The following MYCBP2 variants were observed in gnomAD, a reference collection of about 807,000 sequenced individuals.
The protein encoded by MYCBP2 is E3 ubiquitin-protein ligase MYCBP2.
In MYCBP2, 120 loss-of-function variants were observed where a neutral mutation model predicts 525.3. The ratio of observed to expected loss-of-function variants is 0.23; its 90% CI spans 0.20 to 0.27. MYCBP2 has a LOEUF of 0.27. Ranked by LOEUF, MYCBP2 falls within the 10% of genes least tolerant of loss-of-function variation. The probability of loss-of-function intolerance (pLI) is 1.00; values close to 1 mark genes in which losing one functional copy is unlikely to be tolerated. For synonymous variants in MYCBP2, 1,894 were observed against 1,955.8 expected (o/e 0.97, Z 0.83); for missense variants, 4,149 against 5,657.1 (o/e 0.73, Z 8.55).
intron 15 of MYCBP2, among the ~76,000 whole-genome samples, chr13:77,250,599 T>C (rs985761796): frequency 6.6e-6 from 1 of 152,320 alleles, no homozygotes; most frequent in Non-Finnish European, 1.5e-5. Flanking sequence ...ACTTACATAT[T>C]AACTGTAAAT....
At chr13:77,269,290 G>A (rs896804671) in intron 7 of MYCBP2, among the ~76,000 whole-genome samples, 1 of 152,182 alleles carries the variant, frequency 6.6e-6, no homozygotes, top group African/African-American at 2.4e-5. Flanking sequence ...GAAAGAGTCT[G>A]TGGTAAGAAA....
At chr13:77,077,629 G>A (rs2042541185) in intron 66 of MYCBP2, 2 of 403,270 alleles carry the variant, frequency 5.0e-6, no homozygotes, top group Non-Finnish European at 4.4e-6. Flanking sequence ...TTCAGTAAAT[G>A]GTGGAATTGA....
intron 26 of MYCBP2, among the ~76,000 whole-genome samples, chr13:77,201,566 C>T (rs1593813212): frequency 1.3e-5 from 2 of 151,678 alleles, no homozygotes; most frequent in East Asian, 1.9e-4. Context: ...ACAGAACTCT[C>T]CACCCCAAAT....
chr13:77,237,216 T>C (rs563202278), intron 17 of MYCBP2, among the ~76,000 whole-genome samples: 8 of 152,330 alleles, frequency 5.3e-5, no homozygotes, highest in Admixed American at 2.0e-4. Flanking sequence ...AGTTACTGTA[T>C]AGAATGTGGT....
intron 52 of MYCBP2, among the ~76,000 whole-genome samples, chr13:77,137,570 T>G (rs556910552): frequency 2.0e-5 from 3 of 152,026 alleles, no homozygotes; most frequent in Non-Finnish European, 2.9e-5. Flanking sequence ...CTGGGCAACA[T>G]AGTGAGACCC....
rs1253016083 is a variant in MYCBP2 at position 77,288,335 on chromosome 13, T to G, written c.420A>C (p.Lys140Asn). The change falls in exon 3 of 83, where the codon AAA (lysine) becomes AAC (asparagine). Residue 140 changes from lysine (K) to asparagine (N), a missense_variant. Lys to Asn is a moderately conservative substitution (Grantham distance 94, BLOSUM62 0). Transcript: ENST00000544440. ...TGAAAGCAGAAGGATTGCTATGTAGTTTGATATCTGGTATGATTACTGTAT... is the reference window on the plus strand; with the variant it reads ...TGAAAGCAGAAGGATTGCTATGTAGGTTGATATCTGGTATGATTACTGTAT... ...LENTVIIPDIKLHSNPSAFNI... is the reference protein window; with the variant it reads ...LENTVIIPDINLHSNPSAFNI... 6.2e-7 allele frequency: 1 copy of G among 1,614,130 alleles called. No individual in the cohort carries two copies. Among genetic ancestry groups the G allele is most frequent in the African/African-American group, 1.3e-5 (1 of 75,060 alleles).
At chr13:77,192,335 T>A (rs898924372) in intron 27 of MYCBP2, among the ~76,000 whole-genome samples, 1 of 152,212 alleles carries the variant, frequency 6.6e-6, no homozygotes, top group Non-Finnish European at 1.5e-5. Flanking sequence ...AATAATATCC[T>A]GCTCATAGAG....
At chr13:77,262,257 T>C in intron 10 of MYCBP2, 128 bp from the exon 11 acceptor site, 1 of 685,904 alleles carries the variant, frequency 1.5e-6, no homozygotes, top group Non-Finnish European at 2.3e-6. Context: ...CAAAATGTCA[T>C]GTGCTCAAAT....
intron 1 of MYCBP2, among the ~76,000 whole-genome samples, chr13:77,310,761 GACACAGACGTGTGTGCGTGCGCATGCAC>G (rs1004267886): frequency 9.7e-5 from 14 of 144,028 alleles, no homozygotes; most frequent in Middle Eastern, 3.5e-3. Context: ...CACACACAGA[GACACAGACGTGTGTGCGTGCGCATGCAC>G]ACACACACAC....
At chr13:77,122,674 A>G (rs1594737590) in intron 54 of MYCBP2, among the ~76,000 whole-genome samples, 1 of 145,110 alleles carries the variant, frequency 6.9e-6, no homozygotes, top group East Asian at 2.0e-4. Flanking sequence ...TGGGTGACAG[A>G]GCGAGACTCC....
chr13:77,203,823 T>C, intron 26 of MYCBP2, among the ~76,000 whole-genome samples: 1 of 151,824 alleles, frequency 6.6e-6, no homozygotes, highest in African/African-American at 2.4e-5. Flanking sequence ...TAAATGGTGC[T>C]GGGAAAACTG....
rs2072496192 is a variant in MYCBP2, at chr13:77,257,730, C to T, written c.2117G>A (p.Gly706Asp). The change falls in exon 14 of 83, where the codon GGT (glycine) becomes GAT (aspartate). Residue 706 changes from glycine (G) to aspartate (D), a missense_variant. Transcript: ENST00000544440. ...LMKNGEVWTF[G>D]VNNKGQCGRD... is the part of the protein sequence containing the mutation. ...TCCACACTGTCCTTTATTATTTACA[C>T]CAAATGTCCACACCTCTCCATTCTT... is the stretch of plus-strand genomic sequence containing the variant. 1 of 1,613,146 alleles carries T rather than the reference C, an allele frequency of 6.2e-7. No homozygotes were observed. Among genetic ancestry groups the T allele is most frequent in the African/African-American group, 1.3e-5 (1 of 74,874 alleles).
At chr13:77,117,806 T>C (rs1237008937) in intron 55 of MYCBP2, among the ~76,000 whole-genome samples, 1 of 152,068 alleles carries the variant, frequency 6.6e-6, no homozygotes, top group Non-Finnish European at 1.5e-5. Flanking sequence ...TCCAAACCAA[T>C]GTGAATTACT....
chr13:77,268,081 T>C (rs982968315), intron 7 of MYCBP2, 144 bp from the exon 8 acceptor site: 4 of 587,224 alleles, frequency 6.8e-6, no homozygotes, highest in Non-Finnish European at 9.0e-6. Flanking sequence ...ATTAAAAATA[T>C]AAGAACATTC....
intron 55 of MYCBP2, chr13:77,118,235 A>C (rs958849124): frequency 1.4e-5 from 8 of 592,538 alleles, no homozygotes; most frequent in Non-Finnish European, 2.4e-5. Flanking sequence ...CATCCTAATT[A>C]AAAAAAACCA....
At position 77,327,066 on chromosome 13, in the gene MYCBP2, A is replaced by T. The variant is rs2082413190; in HGVS notation, c.-291T>A. The T allele has an allele frequency of 1.4e-5, 6 of 434,478 alleles. No individual in the cohort carries two copies. The South Asian group carries it at 4.3e-4, about 31-fold the overall frequency. 26.9% of individuals were successfully genotyped at this position (434,478 alleles called of 1,614,324 possible). A position where few individuals can be genotyped will look rare whatever the true frequency, so the allele number is the denominator to read the frequency against. The stretch of plus-strand genomic sequence containing the variant: ...CGCCACCACCGCTACCACCGCCACC[A>T]CCGCCGGGGCTACCCGCAATGGGAA... On this transcript the variant is annotated 5_prime_UTR_variant, in exon 1 of 83. Coordinates refer to ENST00000544440, the MANE Select transcript of MYCBP2 (RefSeq NM_015057.5).
At chr13:77,110,552 T>G (rs761542128) in intron 55 of MYCBP2, among the ~76,000 whole-genome samples, 1 of 152,184 alleles carries the variant, frequency 6.6e-6, no homozygotes, top group African/African-American at 2.4e-5. Context: ...TTTTGCCCTT[T>G]AAGGCATGTG....
In MYCBP2 at chr13:77,233,281, G is replaced by A. The variant is rs747396149; in HGVS notation, c.2630-18C>T. 2.6e-6 allele frequency: 4 copies of A among 1,567,568 alleles called. No homozygotes were observed. In the South Asian group the frequency reaches 4.5e-5, roughly 17 times the overall value. On this transcript the variant is annotated intron_variant, in intron 17 of 82. Coordinates refer to ENST00000544440, the MANE Select transcript of MYCBP2 (RefSeq NM_015057.5). Reference sequence around the variant, plus strand: ...AAGGGGGCCTGAGGAGAAACATTTTGTATGTGCATAGAAAAACTCACAAAA... The same window carrying A: ...AAGGGGGCCTGAGGAGAAACATTTTATATGTGCATAGAAAAACTCACAAAA...
At chr13:77,071,310 A>ACAC (rs1417944112) in intron 68 of MYCBP2, among the ~76,000 whole-genome samples, 927 of 85,886 alleles carry the variant, frequency 0.011, 9 homozygotes, top group African/African-American at 0.029. Flanking sequence ...CACACACACA[A>ACAC]ATCTTATCTA....
Sources: gnomAD v4.1 joint callset for allele counts (sites outside exome capture counted in the v4.1 genomes callset) on GRCh38, gnomAD v4.1.1 for gene constraint, MANE v1.5 for transcripts, NCBI Gene and HGNC (gene_info 2026-07-23, HGNC 2026-07-21) for gene names.